Variants in FBN1 observed in about 807,000 individuals in gnomAD.
FBN1 encodes fibrillin 1.
FBN1 carries 29 observed loss-of-function variants against 365.1 expected under a neutral mutation model. The observed-to-expected ratio is 0.08, with a 90% confidence interval of 0.06 to 0.11. The LOEUF (loss-of-function observed/expected upper bound fraction) is 0.11. Among genes scored for constraint, FBN1 ranks in the 10% least tolerant of loss-of-function variants. The pLI is 1.00. For missense variants in FBN1, 2,476 were observed against 3,703.2 expected (o/e 0.67, Z 8.60); for synonymous variants, 1,210 against 1,270.5 (o/e 0.95, Z 1.01).
intron 2 of FBN1, among the ~76,000 whole-genome samples, chr15:48,633,315 T>C (rs1025790037): frequency 6.6e-6 from 1 of 152,224 alleles, no homozygotes; most frequent in African/African-American, 2.4e-5. Flanking sequence ...GTTTATTACA[T>C]AAACTCTTAA....
At chr15:48,645,154 T>A (rs1046628006) in intron 1 of FBN1, among the ~76,000 whole-genome samples, 5 of 152,156 alleles carry the variant, frequency 3.3e-5, no homozygotes, top group Admixed American at 3.3e-4. Context: ...TCCCTCGGCC[T>A]CCCGGGCCCC....
At chr15:48,532,522 G>GTGTGTGTGTGTATATA (rs1474842861) in intron 8 of FBN1, among the ~76,000 whole-genome samples, 1 of 151,738 alleles carries the variant, frequency 6.6e-6, no homozygotes, top group African/African-American at 2.4e-5. Context: ...GTGTGTGTGT[G>GTGTGTGTGTGTATATA]TATATGGCCC....
In FBN1 at chr15:48,434,686, G is replaced by A. The variant is rs2141237135; in HGVS notation, c.6524C>T (p.Pro2175Leu). ...ATTCTTGCAGGTTCCATTTCCACAA[G>A]GATTGCCAACAGAACATTCATCAGT... ...VDTDECSVGN[P>L]CGNGTCKNVI... Residue 2175 changes from proline to leucine, a missense_variant, in exon 54 of 66, where the codon CCT becomes CTT. Pro to Leu is a moderately conservative substitution (Grantham distance 98, BLOSUM62 -3). Coordinates refer to ENST00000316623, the MANE Select transcript of FBN1 (RefSeq NM_000138.5). The A allele has an allele frequency of 6.2e-7, 1 of 1,613,722 alleles. No individual in the cohort carries two copies. The highest frequency in any genetic ancestry group is 8.5e-7 in the Non-Finnish European group (1 of 1,179,732).
chr15:48,473,741 C>T (rs1022729924), intron 34 of FBN1, among the ~76,000 whole-genome samples: 1 of 151,572 alleles, frequency 6.6e-6, no homozygotes, highest in African/African-American at 2.4e-5. Flanking sequence ...CTTCTCCTTA[C>T]ATAGTTCCCT....
chr15:48,468,262 T>A, intron 37 of FBN1, 150 bp downstream of exon 37: 1 of 1,327,558 alleles, frequency 7.5e-7, no homozygotes, highest in Non-Finnish European at 1.1e-6. Context: ...ATTTTCCCTA[T>A]GGAAAAGATA....
chr15:48,492,499 C>T lies in FBN1; in HGVS notation c.2816G>A (p.Ser939Asn), dbSNP rs1202753732. The T allele has an allele frequency of 1.2e-6, 2 of 1,613,516 alleles. No individual in the cohort carries two copies. Among genetic ancestry groups the T allele is most frequent in the African/African-American group, 1.3e-5 (1 of 74,870 alleles). ...TCCTGTGGCATCCAAAGTCATTCCA[C>T]TGGGACACTGACACTTGAATGACCC... ...TRGSFKCQCPSGMTLDATGRI... is the reference protein window; with the variant it reads ...TRGSFKCQCPNGMTLDATGRI... The change falls in exon 24 of 66, where the codon AGT becomes AAT. Residue 939 changes from serine to asparagine, a missense_variant. Physicochemically the swap from Ser to Asn is conservative, Grantham distance 46. Coordinates refer to ENST00000316623, the MANE Select transcript of FBN1 (RefSeq NM_000138.5).
intron 64 of FBN1, among the ~76,000 whole-genome samples, 191 bp downstream of exon 64, chr15:48,415,345 G>A (rs772705603): frequency 1.3e-5 from 2 of 152,196 alleles, no homozygotes; most frequent in South Asian, 2.1e-4. Flanking sequence ...TTTGTTTGAC[G>A]TTTCCAGAAA....
intron 24 of FBN1, among the ~76,000 whole-genome samples, chr15:48,490,738 C>A (rs1304451525): frequency 1.3e-5 from 2 of 152,198 alleles, no homozygotes; most frequent in Admixed American, 1.3e-4. Context: ...GAAAGCCTAG[C>A]AGAGCAGAGG....
At position 48,456,659 on chromosome 15, in the gene FBN1, A is replaced by T; in HGVS notation, c.5400T>A (p.Asn1800Lys). ...RCECPVGFFY[N>K]DKLLVCEDID... ...TACCTTCACAAACCAACAACTTGTC[A>T]TTATAGAAGAATCCCACTGGACATT... is the stretch of plus-strand genomic sequence containing the variant. Residue 1800 changes from asparagine to lysine, a missense_variant, in exon 44 of 66, where the codon AAT becomes AAA. Transcript: ENST00000316623. The T allele has an allele frequency of 6.2e-7, 1 of 1,614,018 alleles. No homozygotes were observed. Among genetic ancestry groups the T allele is most frequent in the Non-Finnish European group, 8.5e-7 (1 of 1,179,906 alleles).
Position 48,485,408 on chromosome 15 carries a change from T to A in FBN1, c.3678A>T (p.Gly1226=). 1 of 1,614,170 alleles carries A rather than the reference T, an allele frequency of 6.2e-7. No individual in the cohort carries two copies. The highest frequency in any genetic ancestry group is 1.7e-4 in the Middle Eastern group (1 of 6,060). Residue 1226 remains glycine (G), a synonymous_variant, in exon 30 of 66, where the codon GGA becomes GGT. Transcript: ENST00000316623. ...EGSYECSCQP[G]FALMPDQRSC... is the part of the protein sequence containing the mutation. ...ATCTCTGGTCAGGCATTAGTGCAAA[T>A]CCCGGCTGACAGCTACATTCATAGC...
intron 49 of FBN1, among the ~76,000 whole-genome samples, chr15:48,443,193 G>A (rs1363306100): frequency 3.9e-5 from 6 of 152,128 alleles, no homozygotes; most frequent in Non-Finnish European, 7.4e-5. Flanking sequence ...TAATGAATCT[G>A]ATCTTCTATT....
rs1222490472 is a variant in FBN1, at chr15:48,409,647, A to C, written c.*1343T>G. ...TTTGTAATTAGATGAGCATTGACTA[A>C]CGAAAGATGTTTAGGGGAAAAAAAA... On this transcript the variant is annotated 3_prime_UTR_variant, in exon 66 of 66. Coordinates refer to ENST00000316623, the MANE Select transcript of FBN1 (RefSeq NM_000138.5). The C allele has an allele frequency of 6.6e-6, 1 of 152,166 alleles. No homozygotes were observed. The highest frequency in any genetic ancestry group is 1.5e-5 in the Non-Finnish European group (1 of 68,040). 9.4% of individuals were successfully genotyped at this position (152,166 alleles called of 1,614,324 possible). A position where few individuals can be genotyped will look rare whatever the true frequency, so the allele number is the denominator to read the frequency against.
intron 42 of FBN1, 31 bp from the exon 43 acceptor site, chr15:48,460,348 G>T: frequency 7.1e-7 from 1 of 1,401,654 alleles, no homozygotes; most frequent in Non-Finnish European, 1.0e-6. Context: ...TGGGATGGGA[G>T]GATAGGGGTC....
chr15:48,641,904 G>T (rs1360622985), intron 2 of FBN1: 1 of 152,086 alleles, frequency 6.6e-6, no homozygotes, highest in Non-Finnish European at 1.5e-5. Context: ...ATAAGAATTG[G>T]GGTTTGCTTA....
intron 20 of FBN1, 111 bp from the exon 21 acceptor site, chr15:48,495,699 G>T: frequency 7.2e-7 from 1 of 1,398,224 alleles, no homozygotes; most frequent in Non-Finnish European, 1.0e-6. Context: ...ACACAGTAAA[G>T]CTGGGCTAAA....
At chr15:48,545,050 T>G (rs1268052075) in intron 6 of FBN1, among the ~76,000 whole-genome samples, 1 of 152,254 alleles carries the variant, frequency 6.6e-6, no homozygotes, top group African/African-American at 2.4e-5. Flanking sequence ...AACACTGAAG[T>G]TTGACCACAG....
Position 48,514,188 on chromosome 15 carries a change from A to G in FBN1, c.1469-520T>C, listed in dbSNP as rs1023907230. On this transcript the variant is annotated intron_variant, in intron 12 of 65. Coordinates refer to ENST00000316623, the MANE Select transcript of FBN1 (RefSeq NM_000138.5). ...AGATGTGTTCAATACACAGGCTCAC[A>G]CTAGTTTTACAGTCACTTAGAATTA... Among the ~76,000 whole-genome samples, 56 of 152,348 alleles carry G rather than the reference A, an allele frequency of 3.7e-4. 1 individual carries two copies. The highest frequency in any genetic ancestry group is 1.3e-3 in the African/African-American group (54 of 41,582).
intron 3 of FBN1, among the ~76,000 whole-genome samples, chr15:48,611,066 T>G (rs1017951060): frequency 6.6e-5 from 10 of 152,092 alleles, no homozygotes; most frequent in Non-Finnish European, 1.5e-4. Flanking sequence ...AACCTCTCTT[T>G]GCTTAGTCCA....
At chr15:48,535,831 A>G in intron 7 of FBN1, among the ~76,000 whole-genome samples, 1 of 152,246 alleles carries the variant, frequency 6.6e-6, no homozygotes, top group Non-Finnish European at 1.5e-5. Context: ...GTTTTGTCTT[A>G]GACCAGAATT....
Sources: allele counts gnomAD v4.1 joint callset (sites outside exome capture counted in the v4.1 genomes callset), GRCh38; gene constraint gnomAD v4.1.1; transcripts MANE v1.5; gene names NCBI Gene and HGNC (gene_info 2026-07-23, HGNC 2026-07-21).